Variants in NKIRAS1 observed in about 807,000 individuals in gnomAD.
NKIRAS1 encodes NFKB inhibitor interacting Ras like 1.
NKIRAS1 carries 16 observed loss-of-function variants against 19.8 expected under a neutral mutation model. The ratio of observed to expected loss-of-function variants is 0.81; its 90% CI spans 0.55 to 1.23. NKIRAS1 has a LOEUF of 1.23. NKIRAS1 is among the 50% of genes most tolerant of loss of function. The pLI is 0.00. For synonymous variants in NKIRAS1, 88 were observed against 79.0 expected (o/e 1.11, Z -0.61); for missense variants, 184 against 220.0 (o/e 0.84, Z 1.04).
chr3:23,896,084 G>C (rs1348273161), intron 4 of NKIRAS1, among the ~76,000 whole-genome samples: 1 of 135,392 alleles, frequency 7.4e-6, no homozygotes, highest in Non-Finnish European at 1.5e-5. Flanking sequence ...GCAGTGAGCC[G>C]AGATCATGCC....
intron 1 of NKIRAS1, among the ~76,000 whole-genome samples, chr3:23,941,311 G>A (rs1230268365): frequency 2.0e-5 from 3 of 152,088 alleles, no homozygotes; most frequent in Non-Finnish European, 4.4e-5. Flanking sequence ...TGGGATAAGA[G>A]GACTCTTAAC....
chr3:23,910,939 G>T lies in NKIRAS1; in HGVS notation c.-17-18C>A. The T allele has an allele frequency of 6.4e-7, 1 of 1,556,626 alleles. No individual in the cohort carries two copies. The highest frequency in any genetic ancestry group is 1.1e-5 in the South Asian group (1 of 89,466). ...GGATATCACTGTGGAGAGAATAACA[G>T]GTCTTTTAAATTGTATACTGTTGAA... On this transcript the variant is annotated intron_variant, in intron 2 of 4. Coordinates refer to ENST00000425478, the MANE Select transcript of NKIRAS1 (RefSeq NM_020345.4).
intron 1 of NKIRAS1, among the ~76,000 whole-genome samples, chr3:23,929,976 T>C (rs761838739): frequency 1.3e-5 from 2 of 152,106 alleles, no homozygotes; most frequent in African/African-American, 4.8e-5. Flanking sequence ...TTCATAATGA[T>C]GGAATAAGTA....
chr3:23,940,880 G>A (rs1215456007), intron 1 of NKIRAS1, among the ~76,000 whole-genome samples: 2 of 152,208 alleles, frequency 1.3e-5, no homozygotes, highest in Non-Finnish European at 2.9e-5. Flanking sequence ...AATTTGCTGT[G>A]TCACAGCAAA....
chr3:23,907,828 A>C (rs952235729), intron 3 of NKIRAS1, among the ~76,000 whole-genome samples: 3 of 152,230 alleles, frequency 2.0e-5, no homozygotes, highest in Non-Finnish European at 4.4e-5. Context: ...CTATACATAA[A>C]GCATTTCTGC....
In NKIRAS1 at chr3:23,891,750, C is replaced by CTGTT. The variant is rs1244979640; in HGVS notation, c.*1341_*1344dup. ...TACAGAATTTAAAAAGAATTGGTAA[C>CTGTT]TGTTTGTACTAATATAGACTAAGTT... On this transcript the variant is annotated 3_prime_UTR_variant, in exon 5 of 5. Transcript: ENST00000425478. 9.9e-5 allele frequency: 15 copies of CTGTT among 152,192 alleles called. No individual in the cohort carries two copies. Among genetic ancestry groups the CTGTT allele is most frequent in the East Asian group, 5.8e-4 (3 of 5,204 alleles). 9.4% of individuals were successfully genotyped at this position (152,192 alleles called of 1,614,324 possible). A position where few individuals can be genotyped will look rare whatever the true frequency, so the allele number is the denominator to read the frequency against.
upstream of NKIRAS1, chr3:23,921,975 G>T: frequency 1.0e-5 from 2 of 195,810 alleles, no homozygotes; most frequent in Non-Finnish European, 1.0e-5. Context: ...CAAAGTGCTG[G>T]AATTATAGGA....
intron 3 of NKIRAS1, among the ~76,000 whole-genome samples, chr3:23,906,067 G>A (rs1476477845): frequency 1.4e-5 from 2 of 148,072 alleles, no homozygotes; most frequent in South Asian, 2.2e-4. Flanking sequence ...GCTGAGGCAG[G>A]AGAATCACTT....
Position 23,893,219 on chromosome 3 carries a change from G to A in NKIRAS1, c.455C>T (p.Thr152Ile). Reference sequence around the variant, plus strand: ...TGGTTCAATCAGAGTTTTCCGATCTGTAACAGTCACCTCCCACAGTCTTAC... The same window carrying A: ...TGGTTCAATCAGAGTTTTCCGATCTATAACAGTCACCTCCCACAGTCTTAC... ...EKVRLWEVTV[T>I]DRKTLIEPFT... is the part of the protein sequence containing the mutation. The change falls in exon 5 of 5, where the codon ACA becomes ATA. Residue 152 changes from threonine (T) to isoleucine (I), a missense_variant. By Grantham distance (89) the Thr-to-Ile change is moderately conservative (BLOSUM62 -1). Transcript: ENST00000425478. 1 of 1,614,084 alleles carries A rather than the reference G, an allele frequency of 6.2e-7. No homozygotes were observed. The highest frequency in any genetic ancestry group is 8.5e-7 in the Non-Finnish European group (1 of 1,180,000).
At chr3:23,912,634 G>A (rs768455414) in intron 1 of NKIRAS1, among the ~76,000 whole-genome samples, 77 of 152,096 alleles carry the variant, frequency 5.1e-4, no homozygotes, top group Admixed American at 7.2e-4. Context: ...ACAGTGTGGC[G>A]ATTTCTCAAA....
intron 4 of NKIRAS1, among the ~76,000 whole-genome samples, chr3:23,896,303 C>A (rs375781170): frequency 3.0e-4 from 45 of 151,904 alleles, no homozygotes; most frequent in African/African-American, 1.0e-3. Flanking sequence ...CATTAGCATA[C>A]AAACACAATC....
Position 23,938,381 on chromosome 3 carries a change from T to A in NKIRAS1, c.-140+7942A>T, listed in dbSNP as rs1340447092. On this transcript the variant is annotated intron_variant, in intron 1 of 4. Transcript: ENST00000421515. Reference sequence around the variant, plus strand: ...GGAGCCACCACACCCAACAAATTTTTAAATTTTTTATAGAGTTGGGGGGTC... The same window carrying A: ...GGAGCCACCACACCCAACAAATTTTAAAATTTTTTATAGAGTTGGGGGGTC... 2.0e-5 allele frequency among the ~76,000 whole-genome samples: 3 copies of A among 152,100 alleles called. No homozygotes were observed. In the South Asian group the frequency reaches 6.2e-4, roughly 31 times the overall value.
chr3:23,928,490 G>C (rs1705248556), intron 1 of NKIRAS1, among the ~76,000 whole-genome samples: 1 of 151,532 alleles, frequency 6.6e-6, no homozygotes, highest in Non-Finnish European at 1.5e-5. Context: ...TAAAGATCCT[G>C]TTGCATCTTG....
chr3:23,892,838 C>A lies in NKIRAS1; in HGVS notation c.*257G>T. The A allele has an allele frequency of 3.7e-6, 1 of 273,756 alleles. No individual in the cohort carries two copies. Among genetic ancestry groups the A allele is most frequent in the South Asian group, 1.4e-4 (1 of 7,212 alleles). The allele number at this position is 273,756 out of a possible 1,614,324, so 17.0% of individuals were successfully genotyped here. Reference sequence around the variant, plus strand: ...TATTTTACTGTTTTCACAAGTACAACATAAATAACAAAGGTGCTAATTTCA... The same window carrying A: ...TATTTTACTGTTTTCACAAGTACAAAATAAATAACAAAGGTGCTAATTTCA... On this transcript the variant is annotated 3_prime_UTR_variant, in exon 5 of 5. Transcript: ENST00000425478.
chr3:23,899,622 A>G (rs935703982), intron 4 of NKIRAS1, among the ~76,000 whole-genome samples: 1 of 152,228 alleles, frequency 6.6e-6, no homozygotes, highest in Non-Finnish European at 1.5e-5. Flanking sequence ...CTTAATAGGA[A>G]AACAAAACTA....
upstream of NKIRAS1, chr3:23,919,862 G>GCTCT (rs1704974512): frequency 9.9e-7 from 1 of 1,007,370 alleles, no homozygotes; most frequent in Non-Finnish European, 1.2e-6. Flanking sequence ...TGATGGCAAT[G>GCTCT]CTCTGCTGGT....
chr3:23,946,179 G>GC (rs1484734310), intron 1 of NKIRAS1: 10 of 985,238 alleles, frequency 1.0e-5, no homozygotes, highest in East Asian at 2.3e-4. Flanking sequence ...CGCCCGCTGA[G>GC]CCCCCGCGGC....
intron 3 of NKIRAS1, among the ~76,000 whole-genome samples, chr3:23,903,457 C>T (rs1257504275): frequency 6.6e-6 from 1 of 152,046 alleles, no homozygotes; most frequent in African/African-American, 2.4e-5. Flanking sequence ...CAAGGTTTAG[C>T]AGACACCTGA....
At chr3:23,905,863 C>A (rs1039749265) in intron 3 of NKIRAS1, among the ~76,000 whole-genome samples, 2 of 150,352 alleles carry the variant, frequency 1.3e-5, no homozygotes, top group African/African-American at 4.9e-5. Context: ...AACAGGAAAT[C>A]AAAACCAGGG....
Sources: allele counts gnomAD v4.1 joint callset (sites outside exome capture counted in the v4.1 genomes callset), GRCh38; gene constraint gnomAD v4.1.1; transcripts MANE v1.5; gene names NCBI Gene and HGNC (gene_info 2026-07-23, HGNC 2026-07-21).